Variants in RANBP2 observed in about 807,000 individuals in gnomAD.
RANBP2 encodes RAN binding protein 2.
A neutral mutation model predicts 303.6 loss-of-function variants in RANBP2; 57 were observed. That is an observed-to-expected ratio of 0.19 (90% confidence interval 0.15 to 0.23). The LOEUF (loss-of-function observed/expected upper bound fraction) is 0.23. Among genes scored for constraint, RANBP2 ranks in the 10% least tolerant of loss-of-function variants. The probability of loss-of-function intolerance (pLI) is 1.00; values close to 1 mark genes in which losing one functional copy is unlikely to be tolerated. For missense variants in RANBP2, 3,138 were observed against 3,780.8 expected (o/e 0.83, Z 4.46); for synonymous variants, 1,167 against 1,301.5 (o/e 0.90, Z 2.23).
At chr2:109,031,898 C>T in the RANBP2 span, among the ~76,000 whole-genome samples, 2 of 147,878 alleles carry the variant, frequency 1.4e-5, no homozygotes, top group Non-Finnish European at 3.0e-5. Flanking sequence ...ACCCACCCCC[C>T]GCCACCTTCT....
the RANBP2 span, among the ~76,000 whole-genome samples, chr2:109,366,011 T>G: frequency 6.6e-6 from 1 of 152,238 alleles, no homozygotes; most frequent in Non-Finnish European, 1.5e-5. Flanking sequence ...TTCTGGCATA[T>G]AAGACAATTC....
chr2:109,023,465 C>T, the RANBP2 span, among the ~76,000 whole-genome samples: 6 of 152,148 alleles, frequency 3.9e-5, no homozygotes, highest in Non-Finnish European at 1.5e-5. Flanking sequence ...TAGCTTTTTG[C>T]TGTCAGCCCT....
chr2:109,726,757 C>T, the RANBP2 span, among the ~76,000 whole-genome samples: 2 of 152,144 alleles, frequency 1.3e-5, no homozygotes, highest in African/African-American at 4.8e-5. Context: ...AGTGGGGAGC[C>T]ACACCCTCCG....
At chr2:109,466,961 A>C in the RANBP2 span, among the ~76,000 whole-genome samples, 1 of 152,182 alleles carries the variant, frequency 6.6e-6, no homozygotes, top group Non-Finnish European at 1.5e-5. Flanking sequence ...ATCTGTGTGC[A>C]TGTGTGTGTA....
chr2:109,144,886 T>A, the RANBP2 span, among the ~76,000 whole-genome samples: 4 of 152,232 alleles, frequency 2.6e-5, no homozygotes, highest in African/African-American at 9.6e-5. Flanking sequence ...CAGCAAGCTT[T>A]GTTCCCAGAG....
chr2:109,429,165 C>A, the RANBP2 span, among the ~76,000 whole-genome samples: 1 of 152,106 alleles, frequency 6.6e-6, no homozygotes, highest in Non-Finnish European at 1.5e-5. Flanking sequence ...CAGTGTGGTC[C>A]CTCCAAGGCC....
the RANBP2 span, among the ~76,000 whole-genome samples, chr2:108,839,820 TTG>T: frequency 6.6e-6 from 1 of 152,010 alleles, no homozygotes; most frequent in African/African-American, 2.4e-5. Context: ...GAAAACAGTG[TTG>T]TGTTTTTTTT....
At chr2:109,432,399 T>C in the RANBP2 span, 3 of 1,457,694 alleles carry the variant, frequency 2.1e-6, no homozygotes, top group Non-Finnish European at 2.8e-6. Context: ...TGGGTCTTTT[T>C]AGGTTGGGTT....
chr2:108,787,098 T>A (rs911377734), downstream of RANBP2, among the ~76,000 whole-genome samples: 2 of 151,882 alleles, frequency 1.3e-5, no homozygotes. Context: ...GCTGCGGGGG[T>A]GCGGGGGTGC....
intron 8 of RANBP2, among the ~76,000 whole-genome samples, chr2:108,747,538 TGG>T (rs1438301412): frequency 1.3e-5 from 2 of 152,240 alleles, no homozygotes; most frequent in African/African-American, 4.8e-5. Flanking sequence ...CTTTTTTTTG[TGG>T]GAGTTAGGCT....
At chr2:109,432,857 C>T in the RANBP2 span, among the ~76,000 whole-genome samples, 1 of 152,260 alleles carries the variant, frequency 6.6e-6, no homozygotes, top group African/African-American at 2.4e-5. Flanking sequence ...TGGGTTTGCA[C>T]TCAACTCCTT....
chr2:109,721,328 T>C, the RANBP2 span, among the ~76,000 whole-genome samples: 1 of 152,174 alleles, frequency 6.6e-6, no homozygotes, highest in African/African-American at 2.4e-5. Flanking sequence ...AATTCCACAC[T>C]GCGCCACAGG....
At chr2:108,989,698 A>G in the RANBP2 span, among the ~76,000 whole-genome samples, 44 of 152,284 alleles carry the variant, frequency 2.9e-4, 2 homozygotes, top group South Asian at 8.1e-3. Context: ...ATGTAACTTC[A>G]GATAACCATA....
the RANBP2 span, among the ~76,000 whole-genome samples, chr2:109,581,236 T>A: frequency 6.6e-6 from 1 of 152,006 alleles, no homozygotes; most frequent in South Asian, 2.1e-4. Context: ...GGTCAGGAGT[T>A]CAACACCAGC....
At chr2:109,337,128 T>C in the RANBP2 span, among the ~76,000 whole-genome samples, 2 of 152,252 alleles carry the variant, frequency 1.3e-5, no homozygotes, top group Non-Finnish European at 2.9e-5. Flanking sequence ...GTGTTATGTA[T>C]CTTAAATGCC....
the RANBP2 span, among the ~76,000 whole-genome samples, chr2:109,691,972 C>T: frequency 3.1e-4 from 47 of 152,112 alleles, no homozygotes; most frequent in Non-Finnish European, 4.9e-4. Context: ...TTAGTAGAGA[C>T]GAGGTTTCAC....
At chr2:108,903,795 C>G in the RANBP2 span, among the ~76,000 whole-genome samples, 1 of 152,036 alleles carries the variant, frequency 6.6e-6, no homozygotes, top group African/African-American at 2.4e-5. Context: ...AAATGTAAAA[C>G]ATAAAAACTA....
the RANBP2 span, among the ~76,000 whole-genome samples, chr2:109,186,628 G>A: frequency 6.6e-6 from 1 of 152,204 alleles, no homozygotes; most frequent in African/African-American, 2.4e-5. Flanking sequence ...TTGGAATGGG[G>A]TTTTGGGTTG....
the RANBP2 span, among the ~76,000 whole-genome samples, chr2:109,200,356 T>C: frequency 4.6e-5 from 7 of 152,292 alleles, no homozygotes; most frequent in African/African-American, 1.7e-4. Context: ...CATAGGCTCC[T>C]TCGTGGGGTT....
Sources: gnomAD v4.1 joint callset for allele counts (sites outside exome capture counted in the v4.1 genomes callset) on GRCh38, gnomAD v4.1.1 for gene constraint, MANE v1.5 for transcripts, NCBI Gene and HGNC (gene_info 2026-07-23, HGNC 2026-07-21) for gene names.